Variants in BTRC observed in about 807,000 individuals in gnomAD.
BTRC encodes beta-transducin repeat containing E3 ubiquitin protein ligase.
In BTRC, 42 loss-of-function variants were observed where a neutral mutation model predicts 85.5. The observed-to-expected ratio is 0.49, with a 90% confidence interval of 0.38 to 0.64. The LOEUF (loss-of-function observed/expected upper bound fraction) is 0.64. BTRC is among the 30% of genes least tolerant of loss of function. The pLI, the probability that BTRC is intolerant of heterozygous loss-of-function variation, is 0.00. For missense variants in BTRC, 594 were observed against 743.5 expected (o/e 0.80, Z 2.34); for synonymous variants, 255 against 263.3 (o/e 0.97, Z 0.30).
At chr10:101,392,992 T>A (rs1943276167) in intron 1 of BTRC, among the ~76,000 whole-genome samples, 1 of 152,144 alleles carries the variant, frequency 6.6e-6, no homozygotes, top group African/African-American at 2.4e-5. Flanking sequence ...CTCCTGCCCT[T>A]CTTTCACCTG....
chr10:101,374,408 T>G (rs989599367), intron 1 of BTRC, among the ~76,000 whole-genome samples: 171 of 151,068 alleles, frequency 1.1e-3, no homozygotes, highest in African/African-American at 3.9e-3. Context: ...ATAGACTGGA[T>G]TAAGAAAATG....
intron 2 of BTRC, among the ~76,000 whole-genome samples, chr10:101,448,703 A>G (rs1024897356): frequency 2.7e-4 from 41 of 152,114 alleles, no homozygotes; most frequent in Middle Eastern, 3.2e-3. Context: ...AATGGAAAGC[A>G]GGATTTACAG....
At chr10:101,544,348 A>G (rs2062523921) in intron 13 of BTRC, among the ~76,000 whole-genome samples, 1 of 150,820 alleles carries the variant, frequency 6.6e-6, no homozygotes, top group Non-Finnish European at 1.5e-5. Flanking sequence ...TTACTTTAAC[A>G]TTTCATGTAT....
At chr10:101,493,612 GC>G (rs923330743) in intron 4 of BTRC, among the ~76,000 whole-genome samples, 2 of 152,182 alleles carry the variant, frequency 1.3e-5, no homozygotes, top group Admixed American at 6.5e-5. Context: ...CTAACAACTA[GC>G]CAGGATTTGG....
intron 4 of BTRC, among the ~76,000 whole-genome samples, chr10:101,496,512 C>T (rs984874238): frequency 2.6e-5 from 4 of 152,154 alleles, no homozygotes; most frequent in Admixed American, 2.0e-4. Context: ...AGCTCCTGGC[C>T]TCAGGCAGTC....
chr10:101,433,985 A>G (rs1944464335), intron 2 of BTRC, among the ~76,000 whole-genome samples: 1 of 152,200 alleles, frequency 6.6e-6, no homozygotes, highest in Non-Finnish European at 1.5e-5. Context: ...TCTTTAATTC[A>G]CCTAAAGACT....
intron 2 of BTRC, among the ~76,000 whole-genome samples, chr10:101,430,676 C>G (rs1944378290): frequency 6.6e-6 from 1 of 152,160 alleles, no homozygotes; most frequent in Non-Finnish European, 1.5e-5. Context: ...CAAAAATTGA[C>G]ATAGTACAGC....
At chr10:101,552,543 C>G (rs1361442356) in intron 14 of BTRC, among the ~76,000 whole-genome samples, 1 of 152,044 alleles carries the variant, frequency 6.6e-6, no homozygotes, top group African/African-American at 2.4e-5. Flanking sequence ...GCTGCCTTCT[C>G]TATTCCCAAG....
At chr10:101,537,346 G>A (rs529957862) in intron 12 of BTRC, among the ~76,000 whole-genome samples, 1 of 152,186 alleles carries the variant, frequency 6.6e-6, no homozygotes, top group African/African-American at 2.4e-5. Context: ...TGGCCAACAT[G>A]GCAAAACCCA....
At chr10:101,495,041 A>G (rs953535964) in intron 4 of BTRC, among the ~76,000 whole-genome samples, 1 of 152,178 alleles carries the variant, frequency 6.6e-6, no homozygotes, top group Admixed American at 6.5e-5. Context: ...CTTGTTTTGG[A>G]ATGGATGGAA....
At chr10:101,510,140 GAAAA>G (rs920341594) in intron 4 of BTRC, among the ~76,000 whole-genome samples, 1 of 150,418 alleles carries the variant, frequency 6.6e-6, no homozygotes, top group Non-Finnish European at 1.5e-5. Context: ...CTCAAAAAAA[GAAAA>G]AAAGAAAAGA....
At chr10:101,415,462 T>C (rs1209650767) in intron 1 of BTRC, among the ~76,000 whole-genome samples, 1 of 4,226 alleles carries the variant, frequency 2.4e-4, no homozygotes, top group African/African-American at 2.6e-4. Flanking sequence ...GCCACCACTT[T>C]TATTTTATTT....
intron 5 of BTRC, among the ~76,000 whole-genome samples, chr10:101,523,228 G>A (rs1347520958): frequency 1.3e-5 from 2 of 151,922 alleles, no homozygotes; most frequent in Non-Finnish European, 2.9e-5. Flanking sequence ...TAAATAAATA[G>A]ATAAATAAAT....
At chr10:101,362,610 G>A (rs920413329) in intron 1 of BTRC, among the ~76,000 whole-genome samples, 1 of 151,466 alleles carries the variant, frequency 6.6e-6, no homozygotes, top group Non-Finnish European at 1.5e-5. Context: ...GGTCAGGCTG[G>A]TCTTGAACTC....
At chr10:101,379,202 T>C (rs1942867532) in intron 1 of BTRC, among the ~76,000 whole-genome samples, 1 of 152,194 alleles carries the variant, frequency 6.6e-6, no homozygotes, top group Non-Finnish European at 1.5e-5. Flanking sequence ...AAGTAGAAAC[T>C]CTTTTCATGT....
intron 2 of BTRC, among the ~76,000 whole-genome samples, chr10:101,434,365 T>C (rs1944473861): frequency 6.6e-6 from 1 of 152,222 alleles, no homozygotes. Context: ...TAAATTATGC[T>C]GGAACAATTG....
chr10:101,519,769 G>A (rs1185136206), intron 4 of BTRC, among the ~76,000 whole-genome samples: 2 of 152,222 alleles, frequency 1.3e-5, no homozygotes, highest in African/African-American at 4.8e-5. Flanking sequence ...GCCAAGGCGG[G>A]CAGCTCACCT....
At chr10:101,515,055 A>C (rs952784855) in intron 4 of BTRC, among the ~76,000 whole-genome samples, 4 of 152,066 alleles carry the variant, frequency 2.6e-5, no homozygotes, top group Non-Finnish European at 4.4e-5. Flanking sequence ...TCCCGGGTTC[A>C]AGCAATGCTC....
At chr10:101,545,583 T>C (rs930968996) in intron 13 of BTRC, among the ~76,000 whole-genome samples, 1 of 152,076 alleles carries the variant, frequency 6.6e-6, no homozygotes, top group African/African-American at 2.4e-5. Context: ...CAAGAGGAGA[T>C]TGGGACACAC....
Sources: allele counts gnomAD v4.1 joint callset (sites outside exome capture counted in the v4.1 genomes callset), GRCh38; gene constraint gnomAD v4.1.1; transcripts MANE v1.5; gene names NCBI Gene and HGNC (gene_info 2026-07-23, HGNC 2026-07-21).